ADD3: variants seen among roughly 807,000 people sequenced by gnomAD.
ADD3 encodes adducin 3, also known as gamma-adducin.
Under a neutral mutation model 80.2 loss-of-function variants are expected in ADD3, and 25 were observed. That is an observed-to-expected ratio of 0.31 (90% CI 0.23 to 0.44). The LOEUF is 0.44. ADD3 is among the 20% of genes least tolerant of loss of function. The pLI is 1.00. For missense variants in ADD3, 829 were observed against 847.5 expected, an observed-to-expected ratio of 0.98 and a Z score of 0.27; for synonymous variants, 284 against 289.6, an observed-to-expected ratio of 0.98 and a Z score of 0.20.
In ADD3 at chr10:110,132,384, C is replaced by G; in HGVS notation, c.1812C>G (p.Val604=). ...IQSQTQSPQN[V]PEKLEENHEL... ...CTCAAACTCAGTCACCGCAAAATGTCCCTGAAAAATTAGAAGGTACTCAAT... is the reference window on the plus strand; with the variant it reads ...CTCAAACTCAGTCACCGCAAAATGTGCCTGAAAAATTAGAAGGTACTCAAT... Residue 604 remains valine (V), a synonymous_variant, in exon 14 of 15, where the codon GTC becomes GTG. Transcript: ENST00000356080. The G allele has an allele frequency of 6.2e-7, 1 of 1,612,062 alleles. No individual in the cohort carries two copies. The highest frequency in any genetic ancestry group is 1.7e-5 in the Admixed American group (1 of 59,980).
chr10:110,006,885 T>C (rs1239084922), upstream of ADD3, among the ~76,000 whole-genome samples: 1 of 151,774 alleles, frequency 6.6e-6, no homozygotes, highest in Non-Finnish European at 1.5e-5. Context: ...ACGAAGTTTG[T>C]TGTGTGTGTT....
At chr10:110,085,753 CAAG>C (rs1169508037) in intron 1 of ADD3, among the ~76,000 whole-genome samples, 2 of 152,128 alleles carry the variant, frequency 1.3e-5, no homozygotes, top group Non-Finnish European at 2.9e-5. Context: ...GATAGAGAAA[CAAG>C]AAAGTGAATT....
At chr10:110,101,815 T>C (rs573040026) in intron 2 of ADD3, among the ~76,000 whole-genome samples, 15 of 151,646 alleles carry the variant, frequency 9.9e-5, no homozygotes, top group Admixed American at 2.6e-4. Context: ...AATTTGTAAC[T>C]TTCTGCATGA....
At position 110,120,142 on chromosome 10, in the gene ADD3, T is replaced by G. The variant is rs1851276709; in HGVS notation, c.960+578T>G. Among the ~76,000 whole-genome samples, 10 of 151,410 alleles carry G rather than the reference T, an allele frequency of 6.6e-5. No homozygotes were observed. In the South Asian group the frequency reaches 1.5e-3, roughly 22 times the overall value. On this transcript the variant is annotated intron_variant, in intron 8 of 14. Transcript: ENST00000356080. ...ACATTGTGCAGGTTAGTTACATATG[T>G]ATACATGTGCCATGCTGGTGCGCTG...
intron 14 of ADD3, chr10:110,132,612 T>G: frequency 2.0e-6 from 1 of 505,746 alleles, no homozygotes; most frequent in Non-Finnish European, 3.5e-6. Context: ...ATCTGAATTT[T>G]GGCAACCCGC....
intron 1 of ADD3, among the ~76,000 whole-genome samples, chr10:110,024,517 G>T (rs1044889749): frequency 8.5e-5 from 13 of 152,098 alleles, no homozygotes; most frequent in African/African-American, 2.7e-4. Context: ...TTTGTTTGTA[G>T]CTCCTTGTAA....
intron 1 of ADD3, among the ~76,000 whole-genome samples, chr10:110,034,886 C>T (rs1855464484): frequency 6.6e-6 from 1 of 152,090 alleles, no homozygotes; most frequent in Non-Finnish European, 1.5e-5. Context: ...TAAGTGTAAG[C>T]CAATGCATAC....
At chr10:110,082,876 T>C (rs1370299747) in intron 1 of ADD3, among the ~76,000 whole-genome samples, 1 of 152,210 alleles carries the variant, frequency 6.6e-6, no homozygotes, top group Non-Finnish European at 1.5e-5. Context: ...GGTCACAATA[T>C]TCATTACCTC....
At chr10:110,061,059 T>C (rs6584967) in intron 1 of ADD3, among the ~76,000 whole-genome samples, 19,062 of 152,226 alleles carry the variant, frequency 0.13, 3,821 homozygotes, top group African/African-American at 0.43. Context: ...CTTTGTGCTA[T>C]GACTATGTTG....
intron 1 of ADD3, among the ~76,000 whole-genome samples, chr10:110,026,721 C>G (rs1302225633): frequency 2.6e-5 from 4 of 150,950 alleles, no homozygotes; most frequent in Non-Finnish European, 5.9e-5. Context: ...TATTAAAAAT[C>G]TTATAGGTCA....
intron 1 of ADD3, among the ~76,000 whole-genome samples, chr10:110,027,093 C>T (rs1423699234): frequency 6.6e-6 from 1 of 152,018 alleles, no homozygotes; most frequent in Admixed American, 6.6e-5. Flanking sequence ...GTATATGAAA[C>T]CAAAAATTGG....
At chr10:110,020,242 A>T (rs916945316) in intron 1 of ADD3, among the ~76,000 whole-genome samples, 4 of 152,154 alleles carry the variant, frequency 2.6e-5, no homozygotes, top group Admixed American at 2.6e-4. Context: ...AGTGCTGAGA[A>T]TTTGGCAGTA....
At chr10:110,089,702 T>C (rs1417225186) in intron 1 of ADD3, among the ~76,000 whole-genome samples, 8 of 151,486 alleles carry the variant, frequency 5.3e-5, no homozygotes, top group Admixed American at 5.3e-4. Context: ...TACACACACA[T>C]ATGTATATAT....
chr10:110,107,650 T>C (rs1849543346), intron 2 of ADD3, among the ~76,000 whole-genome samples: 1 of 152,162 alleles, frequency 6.6e-6, no homozygotes, highest in African/African-American at 2.4e-5. Flanking sequence ...GCCTACCACT[T>C]ACTAGCTATG....
At chr10:110,059,047 A>C (rs1349720600) in intron 1 of ADD3, among the ~76,000 whole-genome samples, 1 of 152,194 alleles carries the variant, frequency 6.6e-6, no homozygotes, top group Non-Finnish European at 1.5e-5. Context: ...TTTCACCTCC[A>C]TTACCTTGGG....
intron 5 of ADD3, among the ~76,000 whole-genome samples, chr10:110,117,645 T>C (rs79990572): frequency 0.02 from 2,955 of 149,978 alleles, 44 homozygotes; most frequent in Middle Eastern, 0.034. Context: ...AACTTGTCTA[T>C]GTTTTGAAGG....
In ADD3 at chr10:110,132,523, T is replaced by C; in HGVS notation, c.1828+123T>C. The C allele has an allele frequency of 4.0e-5, 24 of 600,760 alleles. No homozygotes were observed. The South Asian group carries it at 4.5e-4, about 11-fold the overall frequency. The allele number at this position is 600,760 out of a possible 1,614,324, so 37.2% of individuals were successfully genotyped here. Reference sequence around the variant, plus strand: ...CAGTAAGTTTTCCATATTTTACTTATATCTCCCAATAATTACATATTTTAT... The same window carrying C: ...CAGTAAGTTTTCCATATTTTACTTACATCTCCCAATAATTACATATTTTAT... On this transcript the variant is annotated intron_variant, in intron 14 of 14. Coordinates refer to ENST00000356080, the MANE Select transcript of ADD3 (RefSeq NM_016824.5).
intron 1 of ADD3, among the ~76,000 whole-genome samples, chr10:110,038,609 A>G (rs1855935889): frequency 6.6e-6 from 1 of 152,206 alleles, no homozygotes; most frequent in African/African-American, 2.4e-5. Flanking sequence ...TGCTCTTTAA[A>G]AGCACGTTGT....
At chr10:110,074,729 C>T (rs978738225) in intron 1 of ADD3, among the ~76,000 whole-genome samples, 3 of 152,050 alleles carry the variant, frequency 2.0e-5, no homozygotes, top group Non-Finnish European at 2.9e-5. Context: ...TGACATTTTA[C>T]AAAATTTAAA....
Sources: gnomAD v4.1 joint callset for allele counts (sites outside exome capture counted in the v4.1 genomes callset) on GRCh38, gnomAD v4.1.1 for gene constraint, MANE v1.5 for transcripts, NCBI Gene and HGNC (gene_info 2026-07-23, HGNC 2026-07-21) for gene names.